PSMB2: variants seen among roughly 807,000 people sequenced by gnomAD.
PSMB2 encodes proteasome 20S subunit beta 2, also known as proteasome subunit beta type-2.
A neutral mutation model predicts 25.7 loss-of-function variants in PSMB2; 13 were observed. The observed-to-expected ratio is 0.51, with a 90% CI of 0.33 to 0.80. PSMB2 has a LOEUF of 0.80. Among genes scored for constraint, PSMB2 ranks in the 30% least tolerant of loss-of-function variants. The probability of loss-of-function intolerance (pLI) is 0.02; values close to 1 mark genes in which losing one functional copy is unlikely to be tolerated. For missense variants in PSMB2, 202 were observed against 259.0 expected, an observed-to-expected ratio of 0.78 and a Z score of 1.51; for synonymous variants, 87 against 96.2, an observed-to-expected ratio of 0.90 and a Z score of 0.56.
At chr1:35,614,358 C>A (rs1476652689) in intron 3 of PSMB2, among the ~76,000 whole-genome samples, 1 of 152,198 alleles carries the variant, frequency 6.6e-6, no homozygotes, top group Non-Finnish European at 1.5e-5. Context: ...ATAATGAGAG[C>A]ACTGCCAGTG....
At chr1:35,629,635 C>A (rs1001369819) in intron 3 of PSMB2, among the ~76,000 whole-genome samples, 39 of 151,672 alleles carry the variant, frequency 2.6e-4, no homozygotes, top group African/African-American at 9.0e-4. Flanking sequence ...ATGGTGAAAT[C>A]CTGCCTCCAC....
At chr1:35,614,915 C>T (rs1205924243) in intron 3 of PSMB2, among the ~76,000 whole-genome samples, 1 of 152,142 alleles carries the variant, frequency 6.6e-6, no homozygotes, top group Non-Finnish European at 1.5e-5. Context: ...TTAATGAGTA[C>T]ATGAGTTTAT....
At chr1:35,604,589 G>C (rs1415021837) in intron 5 of PSMB2, among the ~76,000 whole-genome samples, 1 of 152,086 alleles carries the variant, frequency 6.6e-6, no homozygotes, top group African/African-American at 2.4e-5. Flanking sequence ...AGACCAGCCT[G>C]GCCAACATGG....
chr1:35,611,595 G>A (rs750064121), intron 3 of PSMB2, among the ~76,000 whole-genome samples: 104 of 152,130 alleles, frequency 6.8e-4, no homozygotes, highest in Non-Finnish European at 1.1e-3. Context: ...AGGCCGAGGC[G>A]GGCAGATTAC....
chr1:35,603,558 G>C (rs1361967062), intron 5 of PSMB2, among the ~76,000 whole-genome samples, 184 bp from the exon 6 acceptor site: 1 of 152,188 alleles, frequency 6.6e-6, no homozygotes, highest in Non-Finnish European at 1.5e-5. Flanking sequence ...CCAAACAGCA[G>C]CTGGAGGATG....
intron 3 of PSMB2, among the ~76,000 whole-genome samples, chr1:35,613,805 C>A (rs191232655): frequency 2.6e-5 from 4 of 152,300 alleles, no homozygotes; most frequent in Admixed American, 2.6e-4. Context: ...GTCATTTAAT[C>A]TCTCTGAATT....
At chr1:35,631,936 G>A (rs1651115811) in intron 2 of PSMB2, among the ~76,000 whole-genome samples, 1 of 151,944 alleles carries the variant, frequency 6.6e-6, no homozygotes, top group Non-Finnish European at 1.5e-5. Flanking sequence ...GAGTGGAGAG[G>A]ATCAATTGAC....
At chr1:35,628,610 TATATATATATATATATATATA>T (rs1400185653) in intron 3 of PSMB2, among the ~76,000 whole-genome samples, 5 of 33,722 alleles carry the variant, frequency 1.5e-4, no homozygotes, top group African/African-American at 3.8e-4. Flanking sequence ...TATATATATA[TATATATATATATATATATATA>T]TTTTTTTTTT....
chr1:35,627,090 A>G (rs959005219), intron 3 of PSMB2, among the ~76,000 whole-genome samples: 1 of 151,702 alleles, frequency 6.6e-6, no homozygotes, highest in South Asian at 2.1e-4. Flanking sequence ...TATATGTTCA[A>G]TGTTATTTTA....
intron 3 of PSMB2, among the ~76,000 whole-genome samples, chr1:35,628,591 AAAAAAATATATAT>A (rs1182207574): frequency 1.9e-3 from 41 of 22,114 alleles, no homozygotes; most frequent in Non-Finnish European, 2.3e-3. Flanking sequence ...AAAAAAAAAA[AAAAAAATATATAT>A]ATATATATAT....
At chr1:35,613,053 AG>A (rs1468985222) in intron 3 of PSMB2, among the ~76,000 whole-genome samples, 2 of 152,244 alleles carry the variant, frequency 1.3e-5, no homozygotes, top group Admixed American at 6.5e-5. Context: ...TACTTACCAA[AG>A]TTGGTATTCA....
intron 1 of PSMB2, among the ~76,000 whole-genome samples, chr1:35,640,645 G>A (rs1021647867): frequency 2.0e-5 from 3 of 151,042 alleles, no homozygotes; most frequent in African/African-American, 7.3e-5. Context: ...AAACTTATCA[G>A]AGATTCGGGG....
Position 35,636,332 on chromosome 1 carries a change from C to T in PSMB2, c.192G>A (p.Val64=). 1 of 1,614,108 alleles carries T rather than the reference C, an allele frequency of 6.2e-7. No homozygotes were observed. The highest frequency in any genetic ancestry group is 8.5e-7 in the Non-Finnish European group (1 of 1,180,000). Residue 64 remains valine (V), a synonymous_variant, in exon 2 of 6, where the codon GTG becomes GTA. Transcript: ENST00000373237. ...VQFAEYIQKN[V]QLYKMRNGYE... ...CACCATTTCGCATCTTATAAAGTTG[C>T]ACGTTTTTCTGAATATATTCTGCAA...
At chr1:35,632,193 T>C (rs1651126977) in intron 2 of PSMB2, among the ~76,000 whole-genome samples, 1 of 152,264 alleles carries the variant, frequency 6.6e-6, no homozygotes, top group Non-Finnish European at 1.5e-5. Context: ...CATTCTGCAG[T>C]ATTTTTAAAA....
intron 3 of PSMB2, among the ~76,000 whole-genome samples, chr1:35,628,433 T>C (rs1185272506): frequency 6.6e-6 from 1 of 151,194 alleles, no homozygotes; most frequent in Non-Finnish European, 1.5e-5. Flanking sequence ...GCCTGATAAG[T>C]CAGAGGAACA....
chr1:35,611,660 C>T (rs892022889), intron 3 of PSMB2, among the ~76,000 whole-genome samples: 26 of 151,920 alleles, frequency 1.7e-4, no homozygotes, highest in African/African-American at 4.4e-4. Context: ...ATTGTCTCTA[C>T]GAAAAATACA....
At chr1:35,629,245 G>C (rs1386966070) in intron 3 of PSMB2, among the ~76,000 whole-genome samples, 1 of 152,202 alleles carries the variant, frequency 6.6e-6, no homozygotes, top group East Asian at 1.9e-4. Flanking sequence ...CCATTTCATA[G>C]ATAAGTAAAC....
At chr1:35,634,626 T>A (rs906203135) in intron 2 of PSMB2, among the ~76,000 whole-genome samples, 1 of 152,086 alleles carries the variant, frequency 6.6e-6, no homozygotes, top group East Asian at 1.9e-4. Context: ...GATCCTCCCA[T>A]CTCAGCCTCT....
Position 35,600,864 on chromosome 1 carries a change from A to G in PSMB2, c.*2403T>C, listed in dbSNP as rs1051959943. On this transcript the variant is annotated 3_prime_UTR_variant, in exon 6 of 6. Coordinates refer to ENST00000373237, the MANE Select transcript of PSMB2 (RefSeq NM_002794.5). ...ATAACAAGTTTACCAATCATTATAC[A>G]CTTACTGAGCACTTACCACATGCCA... 1.7e-5 allele frequency: 17 copies of G among 985,220 alleles called. No individual in the cohort carries two copies. The African/African-American group carries it at 3.0e-4, about 17-fold the overall frequency. 61.0% of individuals were successfully genotyped at this position (985,220 alleles called of 1,614,324 possible). A position where few individuals can be genotyped will look rare whatever the true frequency, so the allele number is the denominator to read the frequency against.
Sources: gnomAD v4.1 joint callset for allele counts (sites outside exome capture counted in the v4.1 genomes callset) on GRCh38, gnomAD v4.1.1 for gene constraint, MANE v1.5 for transcripts, NCBI Gene and HGNC (gene_info 2026-07-23, HGNC 2026-07-21) for gene names.